Variants in NLN observed in about 807,000 individuals in gnomAD.
NLN encodes the protein neurolysin, also known as neurolysin, mitochondrial.
In NLN, 64 loss-of-function variants were observed where a neutral mutation model predicts 79.9. That is an observed-to-expected ratio of 0.80 (90% CI 0.65 to 0.99). The LOEUF is 0.99. Ranked by LOEUF, NLN falls within the 50% of genes least tolerant of loss-of-function variation. The pLI is 0.00. For missense variants in NLN, 835 were observed against 858.7 expected, an observed-to-expected ratio of 0.97 and a Z score of 0.34; for synonymous variants, 267 against 296.6, an observed-to-expected ratio of 0.90 and a Z score of 1.02.
intron 1 of NLN, among the ~76,000 whole-genome samples, chr5:65,744,870 G>A (rs1475773303): frequency 2.0e-5 from 3 of 148,492 alleles, no homozygotes; most frequent in South Asian, 4.3e-4. Context: ...GCAAGACTTC[G>A]TTTCAAAAAA....
In NLN at chr5:65,764,026, T is replaced by G. The variant is rs143967800; in HGVS notation, c.450+918T>G. The stretch of plus-strand genomic sequence containing the variant: ...TTAGCTAAATTGTTCTTCTTGCTCC[T>G]TTTGACCACAGTTATTTGATGTGAT... On this transcript the variant is annotated intron_variant, in intron 3 of 12. Transcript: ENST00000380985. 3.5e-3 allele frequency among the ~76,000 whole-genome samples: 530 copies of G among 152,288 alleles called. 4 individuals carry two copies. Among genetic ancestry groups the G allele is most frequent in the African/African-American group, 0.012 (485 of 41,584 alleles).
At chr5:65,809,309 G>C (rs1005040887) in intron 9 of NLN, 2 of 479,946 alleles carry the variant, frequency 4.2e-6, no homozygotes, top group African/African-American at 3.9e-5. Context: ...AATTACTACT[G>C]TAATATAGAG....
At position 65,822,762 on chromosome 5, in the gene NLN, T is replaced by C. The variant is rs372118120; in HGVS notation, c.1981-19T>C. On this transcript the variant is annotated intron_variant, in intron 12 of 12. Transcript: ENST00000380985. ...TGCTAGAACCATGAATTATTAGGTATGATGTTTTATTTTATTAGGTTGGAA... is the reference window on the plus strand; with the variant it reads ...TGCTAGAACCATGAATTATTAGGTACGATGTTTTATTTTATTAGGTTGGAA... The C allele has an allele frequency of 2.1e-5, 33 of 1,592,150 alleles. No homozygotes were observed. In the African/African-American group the frequency reaches 4.2e-4, roughly 20 times the overall value.
chr5:65,753,386 T>A (rs1340629475), intron 1 of NLN, among the ~76,000 whole-genome samples: 1 of 152,142 alleles, frequency 6.6e-6, no homozygotes, highest in Non-Finnish European at 1.5e-5. Flanking sequence ...CGGTGGCTCA[T>A]GCCTGTAATC....
At chr5:65,781,534 C>A in intron 6 of NLN, 113 bp downstream of exon 6, 1 of 757,102 alleles carries the variant, frequency 1.3e-6, no homozygotes, top group Non-Finnish European at 2.2e-6. Flanking sequence ...TGTGTGTGCA[C>A]TGTATCTCTA....
rs543929143 is a variant in NLN, at chr5:65,766,445, C to T, written c.450+3337C>T. ...TCTTGTAAGAACTCACTCACCATCA[C>T]GAGAACAGCATGGGGGAAACCACCC... On this transcript the variant is annotated intron_variant, in intron 3 of 12. Coordinates refer to ENST00000380985, the MANE Select transcript of NLN (RefSeq NM_020726.5). Among the ~76,000 whole-genome samples, 11 of 152,244 alleles carry T rather than the reference C, an allele frequency of 7.2e-5. No individual in the cohort carries two copies. In the South Asian group the frequency reaches 8.3e-4, roughly 11 times the overall value.
In NLN at chr5:65,825,084, G is replaced by C. The variant is rs529937493; in HGVS notation, c.*2169G>C. On this transcript the variant is annotated 3_prime_UTR_variant, in exon 13 of 13. Coordinates refer to ENST00000380985, the MANE Select transcript of NLN (RefSeq NM_020726.5). ...CCATTGCACTCCAGCCTGGACGACA[G>C]AGTGAGATTCAGTCTCAAAAAAAAT... 3 of 152,330 alleles carry C rather than the reference G, an allele frequency of 2.0e-5. No homozygotes were observed. The highest frequency in any genetic ancestry group is 6.5e-5 in the Admixed American group (1 of 15,300). 9.4% of individuals were successfully genotyped at this position (152,330 alleles called of 1,614,324 possible).
chr5:65,788,600 C>A, intron 8 of NLN, 116 bp downstream of exon 8: 1 of 1,049,126 alleles, frequency 9.5e-7, no homozygotes, highest in Non-Finnish European at 1.4e-6. Flanking sequence ...CTTTGGGAGG[C>A]CAAGGTGGGA....
chr5:65,777,741 A>G (rs913827553), intron 4 of NLN, among the ~76,000 whole-genome samples: 3 of 152,168 alleles, frequency 2.0e-5, no homozygotes, highest in African/African-American at 7.2e-5. Flanking sequence ...GGAATATTCC[A>G]AACTCCAGAA....
intron 3 of NLN, among the ~76,000 whole-genome samples, chr5:65,773,187 A>G (rs1426891471): frequency 7.4e-6 from 1 of 135,226 alleles, no homozygotes; most frequent in East Asian, 2.2e-4. Context: ...GCTGGAGTGC[A>G]GTAGCTCAAT....
intron 8 of NLN, 69 bp downstream of exon 8, chr5:65,788,553 T>G: frequency 6.7e-7 from 1 of 1,485,632 alleles, no homozygotes; most frequent in Non-Finnish European, 9.2e-7. Flanking sequence ...ACTCTACTCT[T>G]GGCCAGGCAC....
At position 65,733,736 on chromosome 5, in the gene NLN, T is replaced by G. The variant is rs1303334736; in HGVS notation, c.41+11322T>G. ...ATCTAGGACACAGGTGCTTTTTTTT[T>G]TTTGATGGAGTCTCGCTCTGTCCCT... On this transcript the variant is annotated intron_variant, in intron 1 of 12. Transcript: ENST00000380985. 7.3e-6 allele frequency: 8 copies of G among 1,088,928 alleles called. 1 individual carries two copies. In the East Asian group the frequency reaches 2.0e-4, roughly 27 times the overall value. The allele number at this position is 1,088,928 out of a possible 1,614,324, so 67.5% of individuals were successfully genotyped here. A position where few individuals can be genotyped will look rare whatever the true frequency, so the allele number is the denominator to read the frequency against.
chr5:65,752,913 G>A (rs1759131256), intron 1 of NLN, among the ~76,000 whole-genome samples: 1 of 152,200 alleles, frequency 6.6e-6, no homozygotes, highest in Non-Finnish European at 1.5e-5. Flanking sequence ...AATGTATTTA[G>A]TTGACCCATG....
intron 2 of NLN, among the ~76,000 whole-genome samples, chr5:65,761,499 C>T (rs1486980400): frequency 6.6e-6 from 1 of 152,014 alleles, no homozygotes; most frequent in East Asian, 1.9e-4. Flanking sequence ...ACCATGTTGG[C>T]CAGGCTGGTC....
intron 3 of NLN, among the ~76,000 whole-genome samples, chr5:65,765,664 G>A (rs1422479309): frequency 1.3e-5 from 2 of 151,790 alleles, no homozygotes; most frequent in Non-Finnish European, 2.9e-5. Context: ...AGCAGTGGTT[G>A]TGCCACTGTA....
intron 1 of NLN, among the ~76,000 whole-genome samples, chr5:65,727,504 A>G (rs1304940291): frequency 6.6e-6 from 1 of 152,026 alleles, no homozygotes; most frequent in Non-Finnish European, 1.5e-5. Flanking sequence ...AAAGGACTAG[A>G]CTAAATAATA....
Position 65,788,108 on chromosome 5 carries a change from T to A in NLN, c.959-10T>A. ...GCAAGTAGATCACTAACTTTTCCTT[T>A]TCCTTACAGATGATTTAAGCCAGAA... On this transcript the variant is annotated splice_polypyrimidine_tract_variant and intron_variant, in intron 7 of 12. Transcript: ENST00000380985. 6.2e-7 allele frequency: 1 copy of A among 1,605,758 alleles called. No individual in the cohort carries two copies. The highest frequency in any genetic ancestry group is 8.5e-7 in the Non-Finnish European group (1 of 1,176,840).
At chr5:65,819,208 C>T (rs1199489418) in intron 12 of NLN, among the ~76,000 whole-genome samples, 1 of 152,012 alleles carries the variant, frequency 6.6e-6, no homozygotes, top group Non-Finnish European at 1.5e-5. Flanking sequence ...TTTCCCTGAA[C>T]TGTATATAAG....
At chr5:65,790,154 A>G (rs1230588291) in intron 8 of NLN, among the ~76,000 whole-genome samples, 1 of 152,242 alleles carries the variant, frequency 6.6e-6, no homozygotes, top group Non-Finnish European at 1.5e-5. Flanking sequence ...AAGCAAAGTC[A>G]ACCTCTTACA....
Sources: gnomAD v4.1 joint callset for allele counts (sites outside exome capture counted in the v4.1 genomes callset) on GRCh38, gnomAD v4.1.1 for gene constraint, MANE v1.5 for transcripts, NCBI Gene and HGNC (gene_info 2026-07-23, HGNC 2026-07-21) for gene names.